The following RABGAP1L variants were observed in gnomAD, a reference collection of about 807,000 sequenced individuals.
RABGAP1L encodes rab GTPase-activating protein 1-like.
A neutral mutation model predicts 137.7 loss-of-function variants in RABGAP1L; 63 were observed. The observed-to-expected ratio is 0.46, with a 90% CI of 0.37 to 0.56. RABGAP1L has a LOEUF of 0.56. Among genes scored for constraint, RABGAP1L ranks in the 20% least tolerant of loss-of-function variants. The pLI is 0.00. For missense variants in RABGAP1L, 1,095 were observed against 1,244.0 expected (o/e 0.88, Z 1.80); for synonymous variants, 431 against 433.7 (o/e 0.99, Z 0.08).
chr1:174,612,177 A>G (rs562240560), intron 13 of RABGAP1L, among the ~76,000 whole-genome samples: 1 of 152,170 alleles, frequency 6.6e-6, no homozygotes, highest in Non-Finnish European at 1.5e-5. Flanking sequence ...ATTCAGTATG[A>G]TATTGGCTGT....
chr1:174,419,109 T>G (rs1650954948), intron 13 of RABGAP1L, among the ~76,000 whole-genome samples: 1 of 152,206 alleles, frequency 6.6e-6, no homozygotes, highest in Non-Finnish European at 1.5e-5. Flanking sequence ...AAGTCTTGAT[T>G]TAATGGTTAG....
chr1:174,508,571 C>T (rs895558992), intron 13 of RABGAP1L, among the ~76,000 whole-genome samples: 2 of 152,142 alleles, frequency 1.3e-5, no homozygotes, highest in African/African-American at 4.8e-5. Flanking sequence ...ATTGGTATGT[C>T]ATTTGCAATT....
At chr1:174,365,669 T>C (rs1684551976) in intron 11 of RABGAP1L, among the ~76,000 whole-genome samples, 3 of 152,158 alleles carry the variant, frequency 2.0e-5, no homozygotes, top group African/African-American at 2.4e-5. Flanking sequence ...ATCCCCAAAG[T>C]GTACAAATTG....
intron 19 of RABGAP1L, among the ~76,000 whole-genome samples, chr1:174,833,638 C>A (rs1177845740): frequency 6.6e-6 from 1 of 150,638 alleles, no homozygotes; most frequent in Non-Finnish European, 1.5e-5. Context: ...TCCACTCATT[C>A]TTTCACTTAA....
At chr1:174,610,453 CAT>C (rs1458996836) in intron 13 of RABGAP1L, among the ~76,000 whole-genome samples, 8 of 151,718 alleles carry the variant, frequency 5.3e-5, no homozygotes, top group African/African-American at 1.9e-4. Flanking sequence ...TCCAGTCTAT[CAT>C]TGTTGGACAT....
At chr1:174,904,551 A>T (rs1427194358) in intron 19 of RABGAP1L, among the ~76,000 whole-genome samples, 2 of 152,188 alleles carry the variant, frequency 1.3e-5, no homozygotes, top group African/African-American at 2.4e-5. Flanking sequence ...TAGCTCTGAA[A>T]ACTCTGCTTT....
chr1:174,316,441 T>C (rs1328650891), intron 11 of RABGAP1L, among the ~76,000 whole-genome samples: 1 of 152,216 alleles, frequency 6.6e-6, no homozygotes, highest in South Asian at 2.1e-4. Context: ...GTATCTACTT[T>C]AGGGGCAAGC....
intron 24 of RABGAP1L, among the ~76,000 whole-genome samples, chr1:174,983,459 A>G (rs1671307571): frequency 6.6e-6 from 1 of 152,172 alleles, no homozygotes; most frequent in Admixed American, 6.5e-5. Flanking sequence ...AAAAAAACAG[A>G]TTGCTTATTC....
intron 13 of RABGAP1L, 23 bp downstream of exon 13, chr1:174,394,168 T>C (rs1647529418): frequency 6.2e-7 from 1 of 1,604,450 alleles, no homozygotes; most frequent in East Asian, 2.2e-5. Context: ...TCTTTTCATA[T>C]TATTTTCATT....
intron 19 of RABGAP1L, among the ~76,000 whole-genome samples, chr1:174,855,574 G>C (rs1200179412): frequency 6.6e-6 from 1 of 152,156 alleles, no homozygotes; most frequent in Non-Finnish European, 1.5e-5. Context: ...GGCCTGTCCA[G>C]CTCTTACATA....
At chr1:174,844,611 T>C (rs1454338851) in intron 19 of RABGAP1L, among the ~76,000 whole-genome samples, 2 of 135,900 alleles carry the variant, frequency 1.5e-5, no homozygotes, top group Non-Finnish European at 3.1e-5. Flanking sequence ...AGTACCATGC[T>C]GTTTTGGTTA....
chr1:174,281,037 G>T (rs1007151375), intron 10 of RABGAP1L, among the ~76,000 whole-genome samples: 1 of 152,092 alleles, frequency 6.6e-6, no homozygotes, highest in Admixed American at 6.6e-5. Flanking sequence ...TCCTCCCGGT[G>T]GGTTCGTGAT....
chr1:174,595,684 G>A (rs1401547403), intron 13 of RABGAP1L, among the ~76,000 whole-genome samples: 2 of 145,162 alleles, frequency 1.4e-5, no homozygotes, highest in Non-Finnish European at 3.0e-5. Flanking sequence ...AGGGGTCAGG[G>A]ACCCACTTGA....
intron 18 of RABGAP1L, among the ~76,000 whole-genome samples, chr1:174,773,453 T>C (rs1686286097): frequency 6.6e-6 from 1 of 152,194 alleles, no homozygotes; most frequent in Non-Finnish European, 1.5e-5. Context: ...GACCCTTAAA[T>C]TATAGTGAAA....
intron 13 of RABGAP1L, among the ~76,000 whole-genome samples, chr1:174,615,466 C>T (rs1671736275): frequency 6.6e-6 from 1 of 152,156 alleles, no homozygotes; most frequent in Non-Finnish European, 1.5e-5. Context: ...CCTGCCATGT[C>T]AGGTGTCGGT....
At chr1:174,715,631 T>C (rs1336408382) in intron 17 of RABGAP1L, among the ~76,000 whole-genome samples, 1 of 152,254 alleles carries the variant, frequency 6.6e-6, no homozygotes, top group Non-Finnish European at 1.5e-5. Flanking sequence ...TCAACTTTTT[T>C]CAATTCACAT....
Position 174,674,262 on chromosome 1 carries a change from C to T in RABGAP1L, c.1825-9260C>T, listed in dbSNP as rs1022975957. On this transcript the variant is annotated intron_variant, in intron 14 of 25. Coordinates refer to ENST00000681986, the MANE Select transcript of RABGAP1L (RefSeq NM_001366446.1). ...CCTCCCCCCACCCCACAACAGTCCC[C>T]AGAGTGTGATGTTCCCCTTCCTGTG... 3.4e-4 allele frequency among the ~76,000 whole-genome samples: 46 copies of T among 136,934 alleles called. 1 individual carries two copies. Among genetic ancestry groups the T allele is most frequent in the Non-Finnish European group, 9.3e-5 (6 of 64,672 alleles). The allele number at this position is 136,934 out of a possible 152,430, so 89.8% of individuals were successfully genotyped here.
chr1:174,301,743 A>G (rs1336957953), intron 10 of RABGAP1L, among the ~76,000 whole-genome samples: 1 of 152,046 alleles, frequency 6.6e-6, no homozygotes, highest in East Asian at 1.9e-4. Flanking sequence ...TGGGGAGTGT[A>G]TGCTGATTGG....
chr1:174,214,095 A>G (rs1290246028), intron 1 of RABGAP1L, among the ~76,000 whole-genome samples: 1 of 152,204 alleles, frequency 6.6e-6, no homozygotes. Context: ...GGAAAAACCT[A>G]AAGACTCCAC....
Sources: allele counts gnomAD v4.1 joint callset (sites outside exome capture counted in the v4.1 genomes callset), GRCh38; gene constraint gnomAD v4.1.1; transcripts MANE v1.5; gene names NCBI Gene and HGNC (gene_info 2026-07-23, HGNC 2026-07-21).